The following SDK1 variants were observed in gnomAD, a reference collection of about 807,000 sequenced individuals.
SDK1 encodes the protein sidekick cell adhesion molecule 1.
A neutral mutation model predicts 245.5 loss-of-function variants in SDK1; 157 were observed. The observed-to-expected ratio is 0.64, with a 90% confidence interval of 0.56 to 0.73. The LOEUF (loss-of-function observed/expected upper bound fraction) is 0.73. Among genes scored for constraint, SDK1 ranks in the 30% least tolerant of loss-of-function variants. The pLI, the probability that SDK1 is intolerant of heterozygous loss-of-function variation, is 0.00. For missense variants in SDK1, 3,583 were observed against 3,002.3 expected, an observed-to-expected ratio of 1.19 and a Z score of -4.52; for synonymous variants, 1,647 against 1,278.5, an observed-to-expected ratio of 1.29 and a Z score of -6.15.
chr7:3,805,007 A>G (rs1319198179), intron 4 of SDK1, among the ~76,000 whole-genome samples: 5 of 152,360 alleles, frequency 3.3e-5, no homozygotes, highest in African/African-American at 9.6e-5. Context: ...AAAGTTACTA[A>G]GAGAGTAGAT....
intron 1 of SDK1, among the ~76,000 whole-genome samples, chr7:3,519,530 G>C (rs1226289218): frequency 1.3e-5 from 2 of 151,990 alleles, no homozygotes; most frequent in Non-Finnish European, 2.9e-5. Context: ...CTATGTTTTG[G>C]GCATGATTTA....
intron 30 of SDK1, 47 bp from the exon 31 acceptor site, chr7:4,158,401 G>T: frequency 1.3e-6 from 2 of 1,483,776 alleles, no homozygotes; most frequent in South Asian, 1.1e-5. Context: ...CTGAGGGCAG[G>T]ACAGGGTGGC....
At chr7:4,264,531 G>T (rs1788319406) in intron 44 of SDK1, among the ~76,000 whole-genome samples, 2 of 133,472 alleles carry the variant, frequency 1.5e-5, no homozygotes, top group African/African-American at 5.7e-5. Context: ...AGTGAGGGAG[G>T]CCGCGTGGAC....
At chr7:4,106,854 G>A (rs552320741) in intron 22 of SDK1, among the ~76,000 whole-genome samples, 3 of 151,974 alleles carry the variant, frequency 2.0e-5, no homozygotes, top group South Asian at 2.1e-4. Flanking sequence ...CGCTGACCCC[G>A]CAGCAGCCCC....
chr7:4,055,557 T>C (rs997877893), intron 19 of SDK1, among the ~76,000 whole-genome samples: 2 of 81,772 alleles, frequency 2.4e-5, no homozygotes, highest in Non-Finnish European at 4.3e-5. Flanking sequence ...GTTGTTGTTT[T>C]TGTTTTTTGT....
chr7:3,672,594 T>A (rs999295762), intron 4 of SDK1, among the ~76,000 whole-genome samples: 91 of 141,482 alleles, frequency 6.4e-4, no homozygotes, highest in Non-Finnish European at 1.0e-3. Context: ...TATATATATA[T>A]AATATATATA....
chr7:3,804,034 G>C (rs1271399358), intron 4 of SDK1, among the ~76,000 whole-genome samples: 1 of 152,142 alleles, frequency 6.6e-6, no homozygotes, highest in African/African-American at 2.4e-5. Flanking sequence ...AAAGTGCTGG[G>C]ATTACAGGCA....
intron 1 of SDK1, among the ~76,000 whole-genome samples, chr7:3,518,909 G>A (rs1359221941): frequency 1.3e-5 from 2 of 151,594 alleles, no homozygotes; most frequent in African/African-American, 4.8e-5. Context: ...TCCAACAACA[G>A]ATGAATGGAT....
chr7:3,303,914 C>G (rs1268188036), intron 1 of SDK1, among the ~76,000 whole-genome samples: 2 of 152,142 alleles, frequency 1.3e-5, no homozygotes, highest in Non-Finnish European at 2.9e-5. Context: ...TGAATCTTAT[C>G]AGATGTAACA....
intron 13 of SDK1, among the ~76,000 whole-genome samples, chr7:3,975,456 C>G (rs1247236975): frequency 6.6e-6 from 1 of 152,146 alleles, no homozygotes; most frequent in Non-Finnish European, 1.5e-5. Flanking sequence ...AGGAAAGATT[C>G]TGTATTCAAA....
chr7:4,216,353 G>A (rs774376008), intron 38 of SDK1, among the ~76,000 whole-genome samples: 5 of 152,154 alleles, frequency 3.3e-5, no homozygotes, highest in Non-Finnish European at 5.9e-5. Flanking sequence ...CCCGCCCCAC[G>A]GCCGCTGCTC....
At chr7:4,149,565 C>T (rs1780215808) in intron 30 of SDK1, 102 bp downstream of exon 30, 2 of 725,944 alleles carry the variant, frequency 2.8e-6, no homozygotes, top group Non-Finnish European at 4.1e-6. Flanking sequence ...CAAGCAGGTG[C>T]ACCCCTGAGA....
intron 5 of SDK1, among the ~76,000 whole-genome samples, chr7:3,942,575 CGTGT>C (rs763368734): frequency 6.7e-6 from 1 of 148,176 alleles, no homozygotes; most frequent in Non-Finnish European, 1.5e-5. Context: ...GGTCTTTTTC[CGTGT>C]GTGTGTGTGT....
chr7:3,895,022 A>G (rs1781565615), intron 5 of SDK1, among the ~76,000 whole-genome samples: 1 of 152,104 alleles, frequency 6.6e-6, no homozygotes, highest in African/African-American at 2.4e-5. Flanking sequence ...GCGTGTCTCT[A>G]ATGTACATTT....
At chr7:4,204,110 G>A (rs1361139453) in intron 35 of SDK1, among the ~76,000 whole-genome samples, 2 of 152,238 alleles carry the variant, frequency 1.3e-5, no homozygotes, top group Non-Finnish European at 2.9e-5. Flanking sequence ...GTCGCGGGGG[G>A]AGGGCGATGT....
rs183315862 is a variant in SDK1, at chr7:3,354,894, C to G, written c.298+53010C>G. ...ACTTGATCACGTTAAAGAGGCCTCA[C>G]TGCTGTGTAACAATAGATGCTTAAA... On this transcript the variant is annotated intron_variant, in intron 1 of 44. Transcript: ENST00000404826. Among the ~76,000 whole-genome samples, 485 of 152,336 alleles carry G rather than the reference C, an allele frequency of 3.2e-3. 1 individual carries two copies. Among genetic ancestry groups the G allele is most frequent in the African/African-American group, 0.011 (455 of 41,570 alleles).
chr7:3,543,099 C>G (rs1779103142), intron 1 of SDK1, among the ~76,000 whole-genome samples: 1 of 152,154 alleles, frequency 6.6e-6, no homozygotes, highest in African/African-American at 2.4e-5. Flanking sequence ...ATTTTCCTGC[C>G]AAAAACGTGT....
intron 5 of SDK1, among the ~76,000 whole-genome samples, chr7:3,894,881 A>G (rs1340187832): frequency 1.3e-5 from 2 of 151,652 alleles, no homozygotes; most frequent in African/African-American, 2.4e-5. Flanking sequence ...TTAGTAGAGA[A>G]GGGGTTTCAC....
At chr7:4,006,944 T>C (rs1413951589) in intron 14 of SDK1, among the ~76,000 whole-genome samples, 2 of 152,246 alleles carry the variant, frequency 1.3e-5, no homozygotes, top group Non-Finnish European at 2.9e-5. Context: ...TCTCCAGGCT[T>C]GCTCTGCCTC....
Sources: gnomAD v4.1 joint callset for allele counts (sites outside exome capture counted in the v4.1 genomes callset) on GRCh38, gnomAD v4.1.1 for gene constraint, MANE v1.5 for transcripts, NCBI Gene and HGNC (gene_info 2026-07-23, HGNC 2026-07-21) for gene names.